Variants in TANC2 observed in about 807,000 individuals in gnomAD.
TANC2 encodes protein TANC2.
A neutral mutation model predicts 210.5 loss-of-function variants in TANC2; 26 were observed. That is an observed-to-expected ratio of 0.12 (90% CI 0.09 to 0.17). The LOEUF (loss-of-function observed/expected upper bound fraction) is 0.17. Among genes scored for constraint, TANC2 ranks in the 10% least tolerant of loss-of-function variants. TANC2 has a pLI of 1.00. For missense variants in TANC2, 2,129 were observed against 2,608.9 expected, an observed-to-expected ratio of 0.82 and a Z score of 4.01; for synonymous variants, 931 against 967.1, an observed-to-expected ratio of 0.96 and a Z score of 0.69.
At chr17:63,183,380 A>C (rs1216251860) in intron 5 of TANC2, among the ~76,000 whole-genome samples, 1 of 152,244 alleles carries the variant, frequency 6.6e-6, no homozygotes, top group Non-Finnish European at 1.5e-5. Context: ...TCTATTTAGT[A>C]GTGCAAGATA....
chr17:63,421,148 A>G lies in TANC2; in HGVS notation c.5418A>G (p.Ser1806=), dbSNP rs781309089. ...CACCACAGATCGGACGCAGCCAGTC[A>G]GCATCCTATTACCCAGTCTGTCACT... The change falls in exon 28 of 28, where the codon TCA becomes TCG. Residue 1806 remains serine (S), a synonymous_variant. Transcript: ENST00000689528. This position sits in a 1 kb window ranked among gnomAD's most constrained non-coding sequence, Gnocchi z 6.9. 1 of 1,614,022 alleles carries G rather than the reference A, an allele frequency of 6.2e-7. No homozygotes were observed. Among genetic ancestry groups the G allele is most frequent in the South Asian group, 1.1e-5 (1 of 91,082 alleles).
intron 9 of TANC2, among the ~76,000 whole-genome samples, chr17:63,300,993 A>G (rs2044694609): frequency 2.0e-5 from 3 of 152,098 alleles, no homozygotes; most frequent in South Asian, 2.1e-4. Context: ...GTGAAGGGAT[A>G]TTGAATTTTA....
Position 63,177,828 on chromosome 17 carries a change from G to A in TANC2, c.434-16163G>A, listed in dbSNP as rs150355174. ...ACAGGCACATTTCAAGCCTCTCCTC[G>A]TAAGATCGCATTGTCCAAATAAAGT... is the stretch of plus-strand genomic sequence containing the variant. On this transcript the variant is annotated intron_variant, in intron 5 of 27. Coordinates refer to ENST00000689528, the Ensembl canonical transcript of TANC2. 5.6e-3 allele frequency among the ~76,000 whole-genome samples: 852 copies of A among 152,276 alleles called. 7 individuals carry two copies. The highest frequency in any genetic ancestry group is 9.1e-3 in the Non-Finnish European group (622 of 68,018).
chr17:63,406,773 ATAAGT>A (rs1167067733), intron 21 of TANC2, among the ~76,000 whole-genome samples: 1 of 152,228 alleles, frequency 6.6e-6, no homozygotes, highest in Non-Finnish European at 1.5e-5. Flanking sequence ...TGAATGGGAA[ATAAGT>A]TAAAGGAGAT....
rs369188110 is a variant in TANC2 at position 62,990,019 on chromosome 17, C to T, written c.-23-19518C>T. 2.5e-4 allele frequency among the ~76,000 whole-genome samples: 38 copies of T among 152,092 alleles called. 1 individual carries two copies. The South Asian group carries it at 7.9e-3, about 32-fold the overall frequency. ...CTCTTGAACTCCTGACCTCGTGATCCGCCTGTCTCGGCCTCCCAAAGTGCT... is the reference window on the plus strand; with the variant it reads ...CTCTTGAACTCCTGACCTCGTGATCTGCCTGTCTCGGCCTCCCAAAGTGCT... On this transcript the variant is annotated intron_variant, in intron 1 of 27. Coordinates refer to ENST00000689528, the Ensembl canonical transcript of TANC2.
At chr17:63,347,118 A>T (rs768241570) in intron 12 of TANC2, among the ~76,000 whole-genome samples, 1 of 152,250 alleles carries the variant, frequency 6.6e-6, no homozygotes, top group Non-Finnish European at 1.5e-5. Flanking sequence ...TTGTACAAGA[A>T]TGTTTCTAGC....
intron 8 of TANC2, among the ~76,000 whole-genome samples, chr17:63,262,791 A>G (rs2043405290): frequency 6.6e-6 from 1 of 152,174 alleles, no homozygotes. Context: ...CCCAAAAAAG[A>G]AAGAAAGAAT....
chr17:63,223,717 T>A (rs892902540), intron 7 of TANC2, among the ~76,000 whole-genome samples: 2 of 152,066 alleles, frequency 1.3e-5, no homozygotes, highest in African/African-American at 4.8e-5. Context: ...TTGTAAACTG[T>A]CATGGCGGCA....
intron 9 of TANC2, among the ~76,000 whole-genome samples, chr17:63,291,484 G>C (rs185644531): frequency 4.6e-5 from 7 of 152,172 alleles, no homozygotes; most frequent in Non-Finnish European, 8.8e-5. Context: ...CATACCCTCT[G>C]ACAAGAACTG....
chr17:62,994,196 C>G (rs2143619116), intron 1 of TANC2, among the ~76,000 whole-genome samples: 1 of 150,178 alleles, frequency 6.7e-6, no homozygotes, highest in Admixed American at 6.6e-5. Context: ...TTTTTTGAGA[C>G]AAAGTCTCAC....
chr17:63,158,280 G>A (rs955984613), intron 5 of TANC2, among the ~76,000 whole-genome samples: 1 of 152,172 alleles, frequency 6.6e-6, no homozygotes, highest in African/African-American at 2.4e-5. Flanking sequence ...AGGTGTTTGT[G>A]ATAGTTAAAT....
chr17:63,354,085 A>G (rs910910792), intron 13 of TANC2, among the ~76,000 whole-genome samples: 2 of 152,164 alleles, frequency 1.3e-5, no homozygotes, highest in Non-Finnish European at 2.9e-5. Context: ...GAAGAAACAG[A>G]TGCAGGAGAG....
chr17:63,355,084 A>G, exon 14 of TANC2: 1 of 1,613,842 alleles, frequency 6.2e-7, no homozygotes, highest in Non-Finnish European at 8.5e-7. Flanking sequence ...TCGCTCTCAG[A>G]GGTTTATTTA....
intron 4 of TANC2, among the ~76,000 whole-genome samples, chr17:63,142,520 TTTTG>T (rs543386109): frequency 2.6e-5 from 4 of 152,160 alleles, no homozygotes; most frequent in East Asian, 1.9e-4. Context: ...GTTTTTTCTA[TTTTG>T]TTTATCTTTT....
chr17:63,371,743 C>T (rs898630050), intron 14 of TANC2, among the ~76,000 whole-genome samples: 3 of 152,162 alleles, frequency 2.0e-5, no homozygotes, highest in African/African-American at 7.2e-5. Context: ...TTGTGTGAAA[C>T]AACTGTTATC....
chr17:63,063,674 T>TGTGTGTGTGTGTGTGTGTGTG (rs2036089000), intron 2 of TANC2, among the ~76,000 whole-genome samples: 24 of 137,496 alleles, frequency 1.7e-4, no homozygotes, highest in Non-Finnish European at 3.8e-4. Context: ...TTACCCAGTA[T>TGTGTGTGTGTGTGTGTGTGTG]TGTGTGTGTG....
At chr17:63,009,690 T>C in intron 2 of TANC2, 64 bp downstream of exon 2, 7 of 1,377,208 alleles carry the variant, frequency 5.1e-6, no homozygotes, top group South Asian at 1.2e-5. Flanking sequence ...TTTAGGGTCC[T>C]GAATTAATGC....
intron 14 of TANC2, among the ~76,000 whole-genome samples, chr17:63,365,120 A>C (rs1187474420): frequency 1.3e-5 from 2 of 152,234 alleles, no homozygotes; most frequent in Non-Finnish European, 2.9e-5. Flanking sequence ...AACCAAGATT[A>C]ATGGCACAGC....
chr17:63,337,350 C>G (rs984399511), intron 11 of TANC2, among the ~76,000 whole-genome samples: 8 of 152,034 alleles, frequency 5.3e-5, no homozygotes, highest in African/African-American at 1.9e-4. Context: ...TACTATAATT[C>G]TAAGTAGTTA....
Sources: gnomAD v4.1 joint callset for allele counts (sites outside exome capture counted in the v4.1 genomes callset) on GRCh38, gnomAD v4.1.1 for gene constraint, Gnocchi (gnomAD v3.1) non-coding constraint, MANE v1.5 for transcripts, NCBI Gene and HGNC (gene_info 2026-07-23, HGNC 2026-07-21) for gene names.